The following DCC variants were observed in gnomAD, a reference collection of about 807,000 sequenced individuals.
The protein encoded by DCC is netrin receptor DCC.
In DCC, 58 loss-of-function variants were observed where a neutral mutation model predicts 172.5. The ratio of observed to expected loss-of-function variants is 0.34; its 90% CI spans 0.27 to 0.42. DCC has a LOEUF of 0.42. Ranked by LOEUF, DCC falls within the 10% of genes least tolerant of loss-of-function variation. The pLI is 1.00. For synonymous variants in DCC, 709 were observed against 644.5 expected (o/e 1.10, Z -1.52); for missense variants, 1,740 against 1,791.0 (o/e 0.97, Z 0.51).
intron 27 of DCC, among the ~76,000 whole-genome samples, chr18:53,523,729 A>T (rs1420758001): frequency 6.7e-6 from 1 of 150,110 alleles, no homozygotes; most frequent in Non-Finnish European, 1.5e-5. Flanking sequence ...GGACACAGGG[A>T]GGAGAACATC....
chr18:52,688,259 G>A (rs2035873536), intron 1 of DCC, among the ~76,000 whole-genome samples: 1 of 151,902 alleles, frequency 6.6e-6, no homozygotes, highest in African/African-American at 2.4e-5. Flanking sequence ...TGTGAACTAA[G>A]CTCTGAGCTA....
chr18:53,051,367 C>G (rs1428621584), intron 5 of DCC, among the ~76,000 whole-genome samples: 2 of 152,214 alleles, frequency 1.3e-5, no homozygotes, highest in East Asian at 3.9e-4. Flanking sequence ...TCTTTAGTAT[C>G]TAAAGTATTT....
chr18:52,377,613 C>A (rs1253524968), intron 1 of DCC, among the ~76,000 whole-genome samples: 1 of 148,910 alleles, frequency 6.7e-6, no homozygotes, highest in East Asian at 2.0e-4. Flanking sequence ...AGAGTCTTTG[C>A]CACCCATTGC....
At chr18:52,466,615 A>G (rs1353698689) in intron 1 of DCC, among the ~76,000 whole-genome samples, 1 of 152,174 alleles carries the variant, frequency 6.6e-6, no homozygotes, top group Non-Finnish European at 1.5e-5. Context: ...AGCTCATAGT[A>G]TTTATCTTGT....
chr18:52,629,747 G>A (rs1009121918), intron 1 of DCC, among the ~76,000 whole-genome samples: 16 of 151,846 alleles, frequency 1.1e-4, no homozygotes, highest in African/African-American at 3.4e-4. Context: ...TCAGGCGATC[G>A]AGACCATCCT....
At chr18:53,450,281 G>A (rs189910119) in intron 22 of DCC, among the ~76,000 whole-genome samples, 97 of 152,010 alleles carry the variant, frequency 6.4e-4, no homozygotes, top group African/African-American at 2.1e-3. Context: ...TACTATGAAC[G>A]TTTCTCTATA....
chr18:53,169,534 A>C (rs9949444), intron 8 of DCC, among the ~76,000 whole-genome samples: 59,873 of 151,962 alleles, frequency 0.39, 12,711 homozygotes, highest in South Asian at 0.65. Context: ...GCTTAACTCC[A>C]CCACACTGCC....
At chr18:52,785,913 C>A (rs2037648438) in intron 2 of DCC, among the ~76,000 whole-genome samples, 2 of 152,060 alleles carry the variant, frequency 1.3e-5, no homozygotes, top group Non-Finnish European at 2.9e-5. Flanking sequence ...TATTTACCAT[C>A]TTTATAATCC....
intron 27 of DCC, among the ~76,000 whole-genome samples, chr18:53,514,121 C>G (rs2046301666): frequency 6.6e-6 from 1 of 152,128 alleles, no homozygotes; most frequent in Non-Finnish European, 1.5e-5. Context: ...ACAGTGCAAT[C>G]AAACTAGAAC....
intron 8 of DCC, among the ~76,000 whole-genome samples, chr18:53,157,987 T>C (rs750296524): frequency 2.6e-5 from 4 of 152,186 alleles, no homozygotes; most frequent in Non-Finnish European, 4.4e-5. Flanking sequence ...TTGGATTGTT[T>C]GTAATGCAAA....
intron 2 of DCC, chr18:52,757,146 G>A (rs1371657205): frequency 6.6e-6 from 1 of 152,098 alleles, no homozygotes; most frequent in Non-Finnish European, 1.5e-5. Context: ...ATTCATTTTT[G>A]ACCACTGGAT....
At chr18:53,343,123 G>A (rs1026783345) in intron 15 of DCC, among the ~76,000 whole-genome samples, 3 of 151,632 alleles carry the variant, frequency 2.0e-5, no homozygotes, top group African/African-American at 7.2e-5. Context: ...TGAACAGAAA[G>A]TTTTATATTT....
intron 9 of DCC, among the ~76,000 whole-genome samples, chr18:53,198,925 T>G (rs926646284): frequency 3.9e-5 from 6 of 152,134 alleles, no homozygotes; most frequent in Non-Finnish European, 7.3e-5. Flanking sequence ...AGGGGATCAG[T>G]GAGGAATATT....
At chr18:52,701,669 C>T (rs2036124828) in intron 1 of DCC, among the ~76,000 whole-genome samples, 1 of 151,836 alleles carries the variant, frequency 6.6e-6, no homozygotes, top group Non-Finnish European at 1.5e-5. Context: ...TGCTTCTATT[C>T]CTTATCTACC....
chr18:52,491,748 G>A (rs1056386931), intron 1 of DCC, among the ~76,000 whole-genome samples: 36 of 151,962 alleles, frequency 2.4e-4, no homozygotes, highest in African/African-American at 7.2e-4. Context: ...ATGGGAGAAG[G>A]GAAACTCACG....
At chr18:53,031,689 T>C (rs982832201) in intron 5 of DCC, among the ~76,000 whole-genome samples, 1 of 152,176 alleles carries the variant, frequency 6.6e-6, no homozygotes, top group African/African-American at 2.4e-5. Flanking sequence ...ATCAAAATTA[T>C]ATACACTGGA....
Position 53,085,997 on chromosome 18 carries a change from CCTT to C in DCC, c.1261+19837_1261+19839del, listed in dbSNP as rs1267482117. Among the ~76,000 whole-genome samples, 136 of 31,208 alleles carry C rather than the reference CCTT, an allele frequency of 4.4e-3. 9 individuals carry two copies. The highest frequency in any genetic ancestry group is 9.7e-3 in the African/African-American group (21 of 2,156). The allele number at this position is 31,208 out of a possible 152,430, so 20.5% of individuals were successfully genotyped here. A position where few individuals can be genotyped will look rare whatever the true frequency, so the allele number is the denominator to read the frequency against. ...TTCTTCTTCTTCTTCTTCTCCTTCT[CCTT>C]CTTCTCCTTCTCCTTCTCCCTCTCC... On this transcript the variant is annotated intron_variant, in intron 7 of 28. Coordinates refer to ENST00000442544, the MANE Select transcript of DCC (RefSeq NM_005215.4).
chr18:53,344,988 G>A (rs2144882908), intron 15 of DCC, among the ~76,000 whole-genome samples: 1 of 151,508 alleles, frequency 6.6e-6, no homozygotes, highest in East Asian at 1.9e-4. Flanking sequence ...AGGCTTCACA[G>A]ACCATATAAT....
At chr18:52,909,859 G>A (rs544957709) in intron 3 of DCC, among the ~76,000 whole-genome samples, 79 of 152,246 alleles carry the variant, frequency 5.2e-4, no homozygotes, top group African/African-American at 1.8e-3. Context: ...TGTGAGAGAA[G>A]AAAACACAGA....
Sources: gnomAD v4.1 joint callset for allele counts (sites outside exome capture counted in the v4.1 genomes callset) on GRCh38, gnomAD v4.1.1 for gene constraint, MANE v1.5 for transcripts, NCBI Gene and HGNC (gene_info 2026-07-23, HGNC 2026-07-21) for gene names.